Variants in KIF13B observed in about 807,000 individuals in gnomAD.
KIF13B encodes the protein kinesin family member 13B.
In KIF13B, 127 loss-of-function variants were observed where a neutral mutation model predicts 222.0. The observed-to-expected ratio is 0.57, with a 90% CI of 0.50 to 0.66. KIF13B has a LOEUF of 0.66. Among genes scored for constraint, KIF13B ranks in the 30% least tolerant of loss-of-function variants. The pLI is 0.00. For synonymous variants in KIF13B, 976 were observed against 919.0 expected (o/e 1.06, Z -1.12); for missense variants, 2,173 against 2,379.0 (o/e 0.91, Z 1.80).
At position 29,132,421 on chromosome 8, in the gene KIF13B, G is replaced by A. The variant is rs753890963; in HGVS notation, c.2829C>T (p.Ser943=). The change falls in exon 23 of 40, where the codon TCC becomes TCT. Residue 943 remains serine, a synonymous_variant. Transcript: ENST00000524189. ...NITEDFIEHL[S]EGALAIEVYG... is the part of the protein sequence containing the mutation. Reference sequence around the variant, plus strand: ...ATACTTCAATTGCCAATGCTCCTTCGGAAAGATGCTCGATAAAGTCTTCGG... The same window carrying A: ...ATACTTCAATTGCCAATGCTCCTTCAGAAAGATGCTCGATAAAGTCTTCGG... The A allele has an allele frequency of 2.1e-5, 33 of 1,577,426 alleles. No homozygotes were observed. Among genetic ancestry groups the A allele is most frequent in the Admixed American group, 3.5e-5 (2 of 56,702 alleles).
chr8:29,102,714 C>A (rs889410243), intron 35 of KIF13B, among the ~76,000 whole-genome samples: 1 of 152,202 alleles, frequency 6.6e-6, no homozygotes, highest in Non-Finnish European at 1.5e-5. Flanking sequence ...GCTTTCACTG[C>A]AGCTGGAAGA....
Position 29,140,054 on chromosome 8 carries a change from G to C in KIF13B, c.2613+9C>G, listed in dbSNP as rs778223509. 6.4e-7 allele frequency: 1 copy of C among 1,571,496 alleles called. No individual in the cohort carries two copies. The highest frequency in any genetic ancestry group is 1.2e-5 in the South Asian group (1 of 85,768). ...ATCAACGTAATACTAGGATGAAGCT[G>C]GGACTTACCATGCACACCAGTTTGT... is the stretch of plus-strand genomic sequence containing the variant. On this transcript the variant is annotated intron_variant, in intron 21 of 39. Coordinates refer to ENST00000524189, the MANE Select transcript of KIF13B (RefSeq NM_015254.4).
intron 37 of KIF13B, among the ~76,000 whole-genome samples, chr8:29,088,238 C>T (rs1414909622): frequency 6.6e-6 from 1 of 151,876 alleles, no homozygotes; most frequent in Non-Finnish European, 1.5e-5. Context: ...TGTACTCCAG[C>T]CTGGGCGACA....
chr8:29,113,375 A>AT, intron 32 of KIF13B, 88 bp downstream of exon 32: 1 of 704,416 alleles, frequency 1.4e-6, no homozygotes, highest in Non-Finnish European at 2.4e-6. Context: ...CTTTCACTTC[A>AT]TATGTATGTC....
chr8:29,085,824 T>C (rs1269225875), intron 37 of KIF13B, among the ~76,000 whole-genome samples: 1 of 107,806 alleles, frequency 9.3e-6, no homozygotes, highest in Non-Finnish European at 1.7e-5. Context: ...CACTCCAGCC[T>C]GGGTGACAGA....
At chr8:29,255,710 G>A (rs981683302) in intron 1 of KIF13B, among the ~76,000 whole-genome samples, 3 of 152,030 alleles carry the variant, frequency 2.0e-5, no homozygotes, top group African/African-American at 7.3e-5. Flanking sequence ...CACTGCCAAT[G>A]CCCAATACCA....
At chr8:29,223,972 T>C (rs903987918) in intron 2 of KIF13B, among the ~76,000 whole-genome samples, 1 of 151,626 alleles carries the variant, frequency 6.6e-6, no homozygotes, top group Non-Finnish European at 1.5e-5. Context: ...ATTACAGGCG[T>C]GAGCCACGGC....
At chr8:29,152,638 C>T (rs1811350607) in intron 14 of KIF13B, among the ~76,000 whole-genome samples, 1 of 152,030 alleles carries the variant, frequency 6.6e-6, no homozygotes, top group Non-Finnish European at 1.5e-5. Context: ...GAGACACAGT[C>T]TTGCTCTCTG....
At chr8:29,132,638 G>GC (rs1315286831) in intron 22 of KIF13B, among the ~76,000 whole-genome samples, 173 bp from the exon 23 acceptor site, 2 of 152,066 alleles carry the variant, frequency 1.3e-5, no homozygotes, top group Non-Finnish European at 2.9e-5. Flanking sequence ...ATGGCAAAAG[G>GC]TTCTTGACTT....
At chr8:29,176,211 A>C in intron 9 of KIF13B, 32 bp from the exon 10 acceptor site, 1 of 1,242,042 alleles carries the variant, frequency 8.1e-7, no homozygotes, top group Non-Finnish European at 1.2e-6. Flanking sequence ...AATAATTACA[A>C]AAATGAAATA....
intron 2 of KIF13B, among the ~76,000 whole-genome samples, chr8:29,228,394 G>C (rs1474233484): frequency 2.0e-5 from 3 of 149,796 alleles, no homozygotes; most frequent in Non-Finnish European, 4.4e-5. Flanking sequence ...GTGAACCCAG[G>C]ATGCGGAGCT....
intron 2 of KIF13B, among the ~76,000 whole-genome samples, chr8:29,207,420 T>C (rs1037851872): frequency 6.6e-6 from 1 of 152,338 alleles, no homozygotes; most frequent in East Asian, 1.9e-4. Flanking sequence ...TCTCTGTGAC[T>C]GCGAGCTCCC....
Position 29,168,589 on chromosome 8 carries a change from G to A in KIF13B, c.946-1004C>T, listed in dbSNP as rs540588493. On this transcript the variant is annotated intron_variant, in intron 10 of 39. Transcript: ENST00000524189. Reference sequence around the variant, plus strand: ...TGTTTTCTTTCACTCTGGGGGAAACGGGCTGCCGTGAAGTGAGGTGGCCCT... The same window carrying A: ...TGTTTTCTTTCACTCTGGGGGAAACAGGCTGCCGTGAAGTGAGGTGGCCCT... 6.5e-4 allele frequency among the ~76,000 whole-genome samples: 99 copies of A among 152,274 alleles called. 1 individual carries two copies. The South Asian group carries it at 0.02, about 30-fold the overall frequency.
intron 6 of KIF13B, among the ~76,000 whole-genome samples, chr8:29,183,960 A>G (rs1460251450): frequency 2.6e-5 from 4 of 152,182 alleles, no homozygotes; most frequent in Non-Finnish European, 4.4e-5. Flanking sequence ...CCTTCATATA[A>G]ACAGTAAAAT....
chr8:29,183,615 T>TTA (rs1812809822), intron 6 of KIF13B, among the ~76,000 whole-genome samples: 1 of 152,218 alleles, frequency 6.6e-6, no homozygotes, highest in Non-Finnish European at 1.5e-5. Flanking sequence ...TCCATTTGTA[T>TTA]TATAATAAAC....
At chr8:29,177,772 T>C (rs1487481795) in intron 8 of KIF13B, among the ~76,000 whole-genome samples, 194 bp from the exon 9 acceptor site, 1 of 152,128 alleles carries the variant, frequency 6.6e-6, no homozygotes, top group Admixed American at 6.5e-5. Context: ...TAGCTGGCCA[T>C]GGTGGCGTGT....
chr8:29,204,313 ATACAC>A (rs1174293207), intron 2 of KIF13B, among the ~76,000 whole-genome samples: 1 of 152,226 alleles, frequency 6.6e-6, no homozygotes, highest in Non-Finnish European at 1.5e-5. Flanking sequence ...AATTCAAAGA[ATACAC>A]TCAGTATTAA....
intron 8 of KIF13B, among the ~76,000 whole-genome samples, chr8:29,179,434 T>C (rs763647072): frequency 1.2e-3 from 186 of 152,332 alleles, no homozygotes; most frequent in Non-Finnish European, 2.2e-3. Context: ...AGCATTACCA[T>C]TGGCTCACGC....
At chr8:29,182,978 C>T (rs1262193650) in intron 6 of KIF13B, among the ~76,000 whole-genome samples, 2 of 151,966 alleles carry the variant, frequency 1.3e-5, no homozygotes, top group African/African-American at 4.8e-5. Flanking sequence ...ACACACTGTA[C>T]TCCATAAACA....
Sources: gnomAD v4.1 joint callset for allele counts (sites outside exome capture counted in the v4.1 genomes callset) on GRCh38, gnomAD v4.1.1 for gene constraint, MANE v1.5 for transcripts, NCBI Gene and HGNC (gene_info 2026-07-23, HGNC 2026-07-21) for gene names.